MID2: variants seen among roughly 807,000 people sequenced by gnomAD.
MID2 encodes the protein midline 2.
A neutral mutation model predicts 46.1 loss-of-function variants in MID2; 13 were observed. The ratio of observed to expected loss-of-function variants is 0.28; its 90% CI spans 0.18 to 0.45. The LOEUF (loss-of-function observed/expected upper bound fraction) is 0.45. Among genes scored for constraint, MID2 ranks in the 20% least tolerant of loss-of-function variants. The probability of loss-of-function intolerance (pLI) is 1.00; values close to 1 mark genes in which losing one functional copy is unlikely to be tolerated. For synonymous variants in MID2, 199 were observed against 212.3 expected, an observed-to-expected ratio of 0.94 and a Z score of 0.55; for missense variants, 431 against 575.4, an observed-to-expected ratio of 0.75 and a Z score of 2.57.
intron 3 of MID2, among the ~76,000 whole-genome samples, chrX:107,865,466 A>C (rs1931935003): frequency 8.9e-6 from 1 of 111,961 alleles, no homozygotes; most frequent in African/African-American, 3.2e-5. Flanking sequence ...TGTATGTGTA[A>C]AGAGGATATA....
intron 2 of MID2, among the ~76,000 whole-genome samples, chrX:107,850,131 G>A (rs1037584331): frequency 1.8e-5 from 2 of 110,815 alleles, no homozygotes; most frequent in Non-Finnish European, 3.8e-5. Flanking sequence ...GAACAACAAC[G>A]AAGAGACATG....
intron 3 of MID2, among the ~76,000 whole-genome samples, chrX:107,874,336 C>T (rs764983143): frequency 7.1e-5 from 8 of 112,655 alleles, no homozygotes; most frequent in African/African-American, 2.6e-4. Context: ...CCTTAGAAGA[C>T]AGCAGTCCTG....
intron 2 of MID2, among the ~76,000 whole-genome samples, chrX:107,851,172 A>T (rs906864330): frequency 6.8e-4 from 76 of 111,481 alleles, no homozygotes; most frequent in African/African-American, 2.4e-3. Context: ...GCCTAACTCA[A>T]GCTAGACCCT....
In MID2 at chrX:107,866,363, T is replaced by G. The variant is rs888965781; in HGVS notation, c.816+11659T>G. On this transcript the variant is annotated intron_variant, in intron 3 of 9. Coordinates refer to ENST00000262843, the MANE Select transcript of MID2 (RefSeq NM_012216.4). ...AGGCCAGAGAGCAAAATTAAACACC[T>G]TCATGCTTTCGTACTCCATTTCTGT... Among the ~76,000 whole-genome samples the G allele has an allele frequency of 2.8e-5, 3 of 108,236 alleles. 1 individual carries two copies. Among genetic ancestry groups the G allele is most frequent in the African/African-American group, 1.0e-4 (3 of 29,598 alleles). The allele number at this position is 108,236 out of a possible 115,157, so 94.0% of individuals were successfully genotyped here.
intron 2 of MID2, among the ~76,000 whole-genome samples, chrX:107,853,479 T>A (rs1214487922): frequency 9.0e-6 from 1 of 110,499 alleles, no homozygotes; most frequent in East Asian, 2.9e-4. Context: ...TTTGCATTTT[T>A]TGTTGAGATG....
At chrX:107,900,131 A>G (rs1932784158) in intron 3 of MID2, among the ~76,000 whole-genome samples, 1 of 111,329 alleles carries the variant, frequency 9.0e-6, no homozygotes, top group Non-Finnish European at 1.9e-5. Context: ...TCTTCAGCCA[A>G]CTTTTCATTC....
At position 107,928,155 on chromosome X, in the gene MID2, A is replaced by T. The variant is rs1049299247; in HGVS notation, c.*1082A>T. 8.9e-6 allele frequency among the ~76,000 whole-genome samples: 1 copy of T among 112,363 alleles called. No individual in the cohort carries two copies. The highest frequency in any genetic ancestry group is 9.4e-5 in the Admixed American group (1 of 10,616). On this transcript the variant is annotated 3_prime_UTR_variant, in exon 10 of 10. Transcript: ENST00000262843. ...GGAACCTACTTTACTTAATCAGTAA[A>T]AATTGAGTATTATTGATGCACCAAC...
At chrX:107,872,228 G>A (rs1439951179) in intron 3 of MID2, among the ~76,000 whole-genome samples, 1 of 112,200 alleles carries the variant, frequency 8.9e-6, no homozygotes, top group African/African-American at 3.2e-5. Context: ...ACTGTTTGGA[G>A]TTTGATGGCC....
intron 3 of MID2, among the ~76,000 whole-genome samples, chrX:107,880,345 T>A (rs1444844276): frequency 3.6e-5 from 4 of 110,982 alleles, no homozygotes; most frequent in African/African-American, 1.3e-4. Flanking sequence ...TGGTCTCGAA[T>A]TCCTAGGCTC....
rs767792202 is a variant in MID2, at chrX:107,840,949, G to A, written c.284G>A (p.Arg95Lys). ...LNHRGLDGLKRNVTLQNIIDR... is the reference protein window; with the variant it reads ...LNHRGLDGLKKNVTLQNIIDR... Reference sequence around the variant, plus strand: ...CACCGGGGCCTGGATGGCCTCAAGAGGAATGTGACTCTGCAGAACATTATT... The same window carrying A: ...CACCGGGGCCTGGATGGCCTCAAGAAGAATGTGACTCTGCAGAACATTATT... Residue 95 changes from arginine (R) to lysine (K), a missense_variant, in exon 2 of 10, where the codon AGG (arginine) becomes AAG (lysine). Transcript: ENST00000262843. 1.7e-5 allele frequency: 20 copies of A among 1,209,641 alleles called. No individual in the cohort carries two copies. Among genetic ancestry groups the A allele is most frequent in the East Asian group, 1.2e-4 (4 of 33,751 alleles).
chrX:107,834,737 A>G (rs1358610251), intron 1 of MID2, among the ~76,000 whole-genome samples: 2 of 111,806 alleles, frequency 1.8e-5, no homozygotes, highest in Non-Finnish European at 3.8e-5. Context: ...TAGAAAAACA[A>G]TTGAAAGGAA....
chrX:107,909,822 G>A lies in MID2; in HGVS notation c.1073+4196G>A, dbSNP rs1932869819. ...GACGTTCACTGCCGTTTTGAATCCA[G>A]ATCTTTTGAATATAACCTATGTTTT... is the stretch of plus-strand genomic sequence containing the variant. On this transcript the variant is annotated intron_variant, in intron 5 of 9. Coordinates refer to ENST00000262843, the MANE Select transcript of MID2 (RefSeq NM_012216.4). 2.7e-5 allele frequency among the ~76,000 whole-genome samples: 3 copies of A among 112,353 alleles called. No individual in the cohort carries two copies. The South Asian group carries it at 1.1e-3, about 42-fold the overall frequency.
In MID2 at chrX:107,916,141, C is replaced by T. The variant is rs1445111021; in HGVS notation, c.1201+12C>T. ...AGATTATTTAACAGGTGTGAAAATA[C>T]TGTGCTTTCCTTTCCATTTAATTTT... On this transcript the variant is annotated intron_variant, in intron 6 of 9. Coordinates refer to ENST00000262843, the MANE Select transcript of MID2 (RefSeq NM_012216.4). 6 of 1,110,363 alleles carry T rather than the reference C, an allele frequency of 5.4e-6. No individual in the cohort carries two copies. The highest frequency in any genetic ancestry group is 5.0e-5 in the South Asian group (2 of 39,623). 91.5% of individuals were successfully genotyped at this position (1,110,363 alleles called of 1,213,427 possible). A position where few individuals can be genotyped will look rare whatever the true frequency, so the allele number is the denominator to read the frequency against.
chrX:107,851,978 C>T (rs938369470), intron 2 of MID2, among the ~76,000 whole-genome samples: 15 of 110,799 alleles, frequency 1.4e-4, no homozygotes, highest in African/African-American at 4.6e-4. Context: ...CTGCAACCTC[C>T]GCCTCTGCGG....
intron 3 of MID2, among the ~76,000 whole-genome samples, chrX:107,865,298 G>A (rs1181250022): frequency 8.9e-6 from 1 of 112,132 alleles, no homozygotes; most frequent in African/African-American, 3.2e-5. Context: ...ATGATGTGGT[G>A]TGATACTAGA....
chrX:107,900,074 G>T (rs978966858), intron 3 of MID2, among the ~76,000 whole-genome samples: 8 of 111,475 alleles, frequency 7.2e-5, no homozygotes, highest in African/African-American at 2.6e-4. Context: ...TTCTTGACAT[G>T]AAAAGATTTT....
Position 107,866,318 on chromosome X carries a change from G to A in MID2, c.816+11614G>A, listed in dbSNP as rs752744305. On this transcript the variant is annotated intron_variant, in intron 3 of 9. Transcript: ENST00000262843. ...GTAAAAATATATCACAGATGAATAC[G>A]CAAATTGCATATTGTCTGCAGGCCA... 9.0e-5 allele frequency among the ~76,000 whole-genome samples: 10 copies of A among 110,756 alleles called. No homozygotes were observed. In the East Asian group the frequency reaches 1.7e-3, roughly 19 times the overall value.
chrX:107,886,221 G>C (rs1222699969), intron 3 of MID2, among the ~76,000 whole-genome samples: 6 of 112,106 alleles, frequency 5.4e-5, no homozygotes, highest in African/African-American at 1.9e-4. Flanking sequence ...GAATGGTATT[G>C]CCTAGGTTTT....
chrX:107,926,560 CTATT>C (rs1933183303), intron 9 of MID2, 107 bp from the exon 10 acceptor site: 4 of 791,900 alleles, frequency 5.1e-6, no homozygotes, highest in Non-Finnish European at 7.2e-6. Flanking sequence ...TAAGTGTAAA[CTATT>C]TAAGGAATAA....
Sources: allele counts gnomAD v4.1 joint callset (sites outside exome capture counted in the v4.1 genomes callset), GRCh38; gene constraint gnomAD v4.1.1; transcripts MANE v1.5; gene names NCBI Gene and HGNC (gene_info 2026-07-23, HGNC 2026-07-21).